Variants in FOCAD observed in about 807,000 individuals in gnomAD.
FOCAD encodes KIAA1797.
Under a neutral mutation model 225.6 loss-of-function variants are expected in FOCAD, and 198 were observed. The observed-to-expected ratio is 0.88, with a 90% CI of 0.78 to 0.99. The LOEUF (loss-of-function observed/expected upper bound fraction) is 0.99, where lower values mean the gene tolerates loss of function less well. FOCAD is among the 50% of genes least tolerant of loss of function. The pLI is 0.00. For synonymous variants in FOCAD, 897 were observed against 755.0 expected (o/e 1.19, Z -3.08); for missense variants, 2,713 against 2,123.6 (o/e 1.28, Z -5.46).
At chr9:20,917,494 T>C (rs1323541986) in intron 24 of FOCAD, among the ~76,000 whole-genome samples, 2 of 152,170 alleles carry the variant, frequency 1.3e-5, no homozygotes, top group South Asian at 2.1e-4. Context: ...CAGCTCTCAC[T>C]AAAAAATACC....
chr9:20,888,859 A>G (rs766820523), intron 21 of FOCAD, among the ~76,000 whole-genome samples: 8 of 152,116 alleles, frequency 5.3e-5, no homozygotes, highest in South Asian at 4.1e-4. Flanking sequence ...GCTTTCTGCC[A>G]TGATTTTGAG....
chr9:20,749,705 C>T (rs1828370916), intron 5 of FOCAD, among the ~76,000 whole-genome samples: 1 of 152,152 alleles, frequency 6.6e-6, no homozygotes, highest in South Asian at 2.1e-4. Context: ...TTTCCTCACA[C>T]AGAAAAGGCA....
intron 35 of FOCAD, among the ~76,000 whole-genome samples, chr9:20,975,573 T>C (rs1333467833): frequency 6.6e-6 from 1 of 152,120 alleles, no homozygotes; most frequent in African/African-American, 2.4e-5. Context: ...TGGAAGTAGA[T>C]TGAGGTGTAA....
intron 10 of FOCAD, chr9:20,786,940 A>T: frequency 2.3e-6 from 1 of 440,420 alleles, no homozygotes; most frequent in Admixed American, 2.3e-5. Context: ...GCATTTTCAC[A>T]GGTCCTCCCT....
At chr9:20,752,383 C>G (rs1304969800) in intron 5 of FOCAD, among the ~76,000 whole-genome samples, 2 of 151,758 alleles carry the variant, frequency 1.3e-5, no homozygotes, top group East Asian at 1.9e-4. Flanking sequence ...ATATGGCTAG[C>G]CAGTTTTCCC....
chr9:20,836,896 T>G (rs1205197341), intron 15 of FOCAD, among the ~76,000 whole-genome samples: 1 of 152,106 alleles, frequency 6.6e-6, no homozygotes, highest in Non-Finnish European at 1.5e-5. Flanking sequence ...GATTGTTTTA[T>G]TAAGAAAAAT....
intron 11 of FOCAD, among the ~76,000 whole-genome samples, chr9:20,814,330 T>C (rs1823414799): frequency 6.6e-6 from 1 of 152,004 alleles, no homozygotes; most frequent in South Asian, 2.1e-4. Flanking sequence ...CTTTGATTCA[T>C]CACTCATTTT....
chr9:20,758,534 G>A (rs1409521572), intron 6 of FOCAD, among the ~76,000 whole-genome samples: 2 of 86,442 alleles, frequency 2.3e-5, no homozygotes, highest in Non-Finnish European at 4.2e-5. Context: ...CCCCACAACA[G>A]TCCCCAGATT....
In FOCAD at chr9:20,947,837, C is replaced by T. The variant is rs373346269; in HGVS notation, c.3676-434C>T. Among the ~76,000 whole-genome samples the T allele has an allele frequency of 5.9e-5, 9 of 151,964 alleles. No individual in the cohort carries two copies. In the East Asian group the frequency reaches 9.6e-4, roughly 16 times the overall value. The stretch of plus-strand genomic sequence containing the variant: ...CGTTACTGTTTTATGGTTATATACC[C>T]GCTCACTTACATTCAGAGTAAGTTG... On this transcript the variant is annotated intron_variant, in intron 30 of 43. Transcript: ENST00000338382.
chr9:20,814,903 C>T (rs985682308), intron 11 of FOCAD, among the ~76,000 whole-genome samples: 7 of 151,898 alleles, frequency 4.6e-5, no homozygotes, highest in Non-Finnish European at 7.4e-5. Flanking sequence ...AAACCCTATA[C>T]CAGAATTAAA....
intron 20 of FOCAD, among the ~76,000 whole-genome samples, chr9:20,884,709 C>G (rs1008589157): frequency 1.3e-5 from 2 of 152,036 alleles, no homozygotes; most frequent in African/African-American, 4.8e-5. Flanking sequence ...TTATAAATAT[C>G]TCTATCCAGA....
intron 15 of FOCAD, among the ~76,000 whole-genome samples, chr9:20,828,694 C>T (rs10964732): frequency 0.18 from 27,941 of 151,974 alleles, 3,172 homozygotes; most frequent in Non-Finnish European, 0.25. Flanking sequence ...CATAGGTAAA[C>T]GTGTGCCATG....
intron 21 of FOCAD, among the ~76,000 whole-genome samples, chr9:20,898,122 A>G (rs913300736): frequency 1.3e-5 from 2 of 151,714 alleles, no homozygotes; most frequent in Non-Finnish European, 2.9e-5. Flanking sequence ...TTGCTTCTCT[A>G]TATGTATGGT....
At chr9:20,945,628 G>C (rs1837096492) in intron 29 of FOCAD, among the ~76,000 whole-genome samples, 1 of 152,156 alleles carries the variant, frequency 6.6e-6, no homozygotes, top group South Asian at 2.1e-4. Context: ...AGTGTAGAGT[G>C]TGATTTTAAA....
At chr9:20,730,280 G>GT (rs1184751176) in intron 4 of FOCAD, among the ~76,000 whole-genome samples, 1 of 151,766 alleles carries the variant, frequency 6.6e-6, no homozygotes, top group African/African-American at 2.4e-5. Flanking sequence ...CTAATTCTAT[G>GT]TTTTTTTTCT....
chr9:20,730,198 G>T (rs1826563714), intron 4 of FOCAD, among the ~76,000 whole-genome samples: 1 of 152,084 alleles, frequency 6.6e-6, no homozygotes, highest in Non-Finnish European at 1.5e-5. Flanking sequence ...TTTCATTTTT[G>T]ATGATGTTAG....
rs367733127 is a variant in FOCAD, at chr9:20,944,694, C to G, written c.3475C>G (p.Arg1159Gly). The G allele has an allele frequency of 1.2e-5, 19 of 1,613,980 alleles. No individual in the cohort carries two copies. The South Asian group carries it at 1.6e-4, about 14-fold the overall frequency. ...GAGCCACAGCAGCCAAATGCAGTCC[C>G]GCGTTCACGTAGCAGCATTGCTCCG... Reference protein sequence around the residue: ...LMSHSSQMQSRVHVAALLRKL... With the variant: ...LMSHSSQMQSGVHVAALLRKL... Residue 1159 changes from arginine (R) to glycine (G), a missense_variant, in exon 29 of 44, where the codon CGC (arginine) becomes GGC (glycine). Physicochemically the swap from Arg to Gly is moderately radical, Grantham distance 125 (BLOSUM62 -2). Coordinates refer to ENST00000338382, the MANE Select transcript of FOCAD (RefSeq NM_001375567.1).
chr9:20,915,057 G>A (rs548244182), intron 23 of FOCAD, among the ~76,000 whole-genome samples: 2 of 152,260 alleles, frequency 1.3e-5, no homozygotes, highest in African/African-American at 4.8e-5. Context: ...TTAAGACAAG[G>A]AAGACTAGAG....
In FOCAD at chr9:20,923,709, G is replaced by A. The variant is rs747150003; in HGVS notation, c.2902G>A (p.Ala968Thr). The A allele has an allele frequency of 5.0e-6, 8 of 1,613,980 alleles. No individual in the cohort carries two copies. ...TGCGCTGTTAGCTCTAAGCAGCCTT[G>A]CTGTCGTCGTATCTAGACATGAAGC... The part of the protein sequence containing the change: ...GNALLALSSL[A>T]VVVSRHEASL... The change falls in exon 25 of 44, where the codon GCT becomes ACT. Residue 968 changes from alanine to threonine, a missense_variant. Ala to Thr is a moderately conservative substitution (Grantham distance 58, BLOSUM62 0). Coordinates refer to ENST00000338382, the MANE Select transcript of FOCAD (RefSeq NM_001375567.1).
Sources: gnomAD v4.1 joint callset for allele counts (sites outside exome capture counted in the v4.1 genomes callset) on GRCh38, gnomAD v4.1.1 for gene constraint, MANE v1.5 for transcripts, NCBI Gene and HGNC (gene_info 2026-07-23, HGNC 2026-07-21) for gene names.